DIAPH2: variants seen among roughly 807,000 people sequenced by gnomAD.
DIAPH2 encodes diaphanous related formin 2, also known as protein diaphanous homolog 2.
A neutral mutation model predicts 92.7 loss-of-function variants in DIAPH2; 35 were observed. The ratio of observed to expected loss-of-function variants is 0.38; its 90% confidence interval spans 0.29 to 0.50. The LOEUF (loss-of-function observed/expected upper bound fraction) is 0.50, where lower values mean the gene tolerates loss of function less well. Ranked by LOEUF, DIAPH2 falls within the 20% of genes least tolerant of loss-of-function variation. The pLI, the probability that DIAPH2 is intolerant of heterozygous loss-of-function variation, is 0.94. For missense variants in DIAPH2, 701 were observed against 819.5 expected, an observed-to-expected ratio of 0.86 and a Z score of 1.77; for synonymous variants, 301 against 280.4, an observed-to-expected ratio of 1.07 and a Z score of -0.73.
intron 1 of DIAPH2, among the ~76,000 whole-genome samples, chrX:96,687,114 A>G (rs1412965764): frequency 8.9e-6 from 1 of 112,030 alleles, no homozygotes; most frequent in Non-Finnish European, 1.9e-5. Context: ...AAAGGCATCC[A>G]TTACCTATAG....
intron 17 of DIAPH2, among the ~76,000 whole-genome samples, chrX:97,029,429 G>T (rs560803735): frequency 9.9e-5 from 11 of 110,915 alleles, no homozygotes; most frequent in Middle Eastern, 4.7e-3. Flanking sequence ...TTTTAATGGG[G>T]TCATCATTTT....
At chrX:97,079,159 A>G (rs1160039814) in intron 19 of DIAPH2, among the ~76,000 whole-genome samples, 1 of 110,745 alleles carries the variant, frequency 9.0e-6, no homozygotes, top group African/African-American at 3.3e-5. Flanking sequence ...ACCACTCCCT[A>G]TTGCATTTTA....
At chrX:97,326,428 G>C (rs1476178580) in intron 23 of DIAPH2, among the ~76,000 whole-genome samples, 3 of 112,073 alleles carry the variant, frequency 2.7e-5, no homozygotes, top group African/African-American at 9.7e-5. Flanking sequence ...TTGGTTTAGA[G>C]ACTTAGCAAA....
intron 4 of DIAPH2, among the ~76,000 whole-genome samples, chrX:96,836,717 A>AT (rs1172979194): frequency 0.037 from 707 of 18,903 alleles, 130 homozygotes; most frequent in Non-Finnish European, 0.051. Flanking sequence ...ATATATATAT[A>AT]TTTTTTTTTT....
chrX:97,185,482 T>TACAC lies in DIAPH2; in HGVS notation c.2719+43689_2719+43690insCACA, dbSNP rs1264602067. ...ATATATATATATATACACATATATA[T>TACAC]ATATATATATATATATATATATATA... On this transcript the variant is annotated intron_variant, in intron 22 of 26. Transcript: ENST00000324765. 5.3e-3 allele frequency among the ~76,000 whole-genome samples: 45 copies of TACAC among 8,467 alleles called. 1 individual carries two copies. The highest frequency in any genetic ancestry group is 9.1e-3 in the Non-Finnish European group (27 of 2,972). The allele number at this position is 8,467 out of a possible 115,157, so 7.4% of individuals were successfully genotyped here. A position where few individuals can be genotyped will look rare whatever the true frequency, so the allele number is the denominator to read the frequency against.
intron 26 of DIAPH2, among the ~76,000 whole-genome samples, chrX:97,593,208 C>T (rs2071528735): frequency 9.0e-6 from 1 of 111,249 alleles, no homozygotes; most frequent in South Asian, 3.7e-4. Flanking sequence ...GATATTAAAA[C>T]ATCTCATGAG....
chrX:96,801,398 C>T (rs1027855492), intron 4 of DIAPH2, among the ~76,000 whole-genome samples: 13 of 111,760 alleles, frequency 1.2e-4, no homozygotes, highest in East Asian at 2.8e-4. Flanking sequence ...CTTAAGGGGA[C>T]GGTTAAGACC....
intron 22 of DIAPH2, among the ~76,000 whole-genome samples, chrX:97,160,279 A>T (rs1296374785): frequency 1.8e-5 from 2 of 111,409 alleles, no homozygotes; most frequent in African/African-American, 3.3e-5. Flanking sequence ...TCTCAGACAA[A>T]AGGCTTATCT....
chrX:96,868,310 A>G (rs1419268857), intron 4 of DIAPH2, among the ~76,000 whole-genome samples: 1 of 112,086 alleles, frequency 8.9e-6, no homozygotes, highest in Non-Finnish European at 1.9e-5. Flanking sequence ...GTAGTTATCT[A>G]GATGATCCAG....
intron 23 of DIAPH2, among the ~76,000 whole-genome samples, chrX:97,262,987 A>G (rs974733519): frequency 1.8e-5 from 2 of 112,413 alleles, no homozygotes; most frequent in Admixed American, 1.9e-4. Context: ...TGTTTGAAGA[A>G]GGATCTTTTG....
At chrX:96,843,316 A>C (rs1409777754) in intron 4 of DIAPH2, among the ~76,000 whole-genome samples, 4 of 111,749 alleles carry the variant, frequency 3.6e-5, no homozygotes, top group Non-Finnish European at 7.5e-5. Flanking sequence ...AGCCCGCAGA[A>C]CTGTGAGCCA....
chrX:96,812,026 T>C (rs2064687282), intron 4 of DIAPH2, among the ~76,000 whole-genome samples: 1 of 111,843 alleles, frequency 8.9e-6, no homozygotes, highest in Admixed American at 9.5e-5. Context: ...AGGATGATGC[T>C]GGCGTCATAA....
At chrX:96,727,138 A>G (rs2064024752) in intron 1 of DIAPH2, among the ~76,000 whole-genome samples, 2 of 112,079 alleles carry the variant, frequency 1.8e-5, no homozygotes, top group Non-Finnish European at 3.8e-5. Flanking sequence ...ACTTGAATAC[A>G]TTTGAGTTAA....
Position 97,604,545 on chromosome X carries a change from T to C in DIAPH2, c.*5228T>C, listed in dbSNP as rs1388634994. 1 of 112,224 alleles carries C rather than the reference T, an allele frequency of 8.9e-6. No homozygotes were observed. Among genetic ancestry groups the C allele is most frequent in the Non-Finnish European group, 1.9e-5 (1 of 53,211 alleles). 9.2% of individuals were successfully genotyped at this position (112,224 alleles called of 1,213,427 possible). A position where few individuals can be genotyped will look rare whatever the true frequency, so the allele number is the denominator to read the frequency against. On this transcript the variant is annotated 3_prime_UTR_variant, in exon 27 of 27. Transcript: ENST00000324765. ...GCACAGGCTGCTGCATGCTCTGTTG[T>C]TAAATGGATGGACAGGCTATTCTAA...
At chrX:97,416,220 A>G (rs1024316391) in intron 25 of DIAPH2, among the ~76,000 whole-genome samples, 1 of 112,146 alleles carries the variant, frequency 8.9e-6, no homozygotes, top group African/African-American at 3.2e-5. Flanking sequence ...GTAAATTACA[A>G]TATTGAGTTA....
rs144816701 is a variant in DIAPH2 at position 96,725,275 on chromosome X, T to G, written c.133-10483T>G. On this transcript the variant is annotated intron_variant, in intron 1 of 26. Coordinates refer to ENST00000324765, the MANE Select transcript of DIAPH2 (RefSeq NM_006729.5). ...AAGAATCTCTTATCCAAATTAAAAC[T>G]AAGTAAAAAACTATTTAAGGAACAT... Among the ~76,000 whole-genome samples the G allele has an allele frequency of 8.8e-3, 983 of 112,062 alleles. 10 individuals are homozygous for G. Among genetic ancestry groups the G allele is most frequent in the African/African-American group, 0.03 (927 of 30,928 alleles).
intron 4 of DIAPH2, among the ~76,000 whole-genome samples, chrX:96,812,592 A>G (rs1338802755): frequency 9.0e-6 from 1 of 111,170 alleles, no homozygotes; most frequent in East Asian, 2.8e-4. Flanking sequence ...TCGCTTCTCT[A>G]GTTCTTTTAA....
intron 23 of DIAPH2, among the ~76,000 whole-genome samples, chrX:97,304,013 T>C (rs371205623): frequency 1.3e-4 from 14 of 111,995 alleles, no homozygotes; most frequent in African/African-American, 2.6e-4. Context: ...GAAATCCCCA[T>C]TGAAATATTC....
chrX:96,785,184 C>T (rs1196779571), intron 4 of DIAPH2, among the ~76,000 whole-genome samples: 1 of 111,502 alleles, frequency 9.0e-6, no homozygotes, highest in Non-Finnish European at 1.9e-5. Flanking sequence ...ATCTGCTAAG[C>T]TATTGGAGAG....
Sources: gnomAD v4.1 joint callset for allele counts (sites outside exome capture counted in the v4.1 genomes callset) on GRCh38, gnomAD v4.1.1 for gene constraint, MANE v1.5 for transcripts, NCBI Gene and HGNC (gene_info 2026-07-23, HGNC 2026-07-21) for gene names.